The following SYNE1 variants were observed in gnomAD, a reference collection of about 807,000 sequenced individuals.
SYNE1 encodes spectrin repeat containing nuclear envelope protein 1.
In SYNE1, 616 loss-of-function variants were observed where a neutral mutation model predicts 1,111.0. That is an observed-to-expected ratio of 0.55 (90% confidence interval 0.52 to 0.59). The LOEUF is 0.59. SYNE1 is among the 20% of genes least tolerant of loss of function. The pLI, the probability that SYNE1 is intolerant of heterozygous loss-of-function variation, is 0.00. For missense variants in SYNE1, 10,006 were observed against 10,417.0 expected, an observed-to-expected ratio of 0.96 and a Z score of 1.72; for synonymous variants, 3,855 against 3,825.8, an observed-to-expected ratio of 1.01 and a Z score of -0.28.
At chr6:152,208,794 C>G (rs1359296024) in intron 124 of SYNE1, among the ~76,000 whole-genome samples, 1 of 152,196 alleles carries the variant, frequency 6.6e-6, no homozygotes. Context: ...TCTGAATTAT[C>G]TCTTCTACAT....
chr6:152,392,511 A>G (rs914873037), intron 51 of SYNE1, among the ~76,000 whole-genome samples: 1 of 152,178 alleles, frequency 6.6e-6, no homozygotes, highest in Non-Finnish European at 1.5e-5. Context: ...AACTATTGTG[A>G]CTACTAGAAA....
At chr6:152,309,699 T>C (rs1589764323) in intron 90 of SYNE1, 136 bp downstream of exon 90, 1 of 1,148,750 alleles carries the variant, frequency 8.7e-7, no homozygotes, top group East Asian at 2.5e-5. Context: ...TTAATCTCCT[T>C]ATTTTATAAA....
chr6:152,449,583 C>G lies in SYNE1; in HGVS notation c.3454G>C (p.Gly1152Arg). 4 of 1,614,062 alleles carry G rather than the reference C, an allele frequency of 2.5e-6. No homozygotes were observed. Among genetic ancestry groups the G allele is most frequent in the Non-Finnish European group, 3.4e-6 (4 of 1,179,996 alleles). ...TNETQLKGIK[G>R]EAIDTANHGE... ...TGGTTGGCAGTATCGATGGCCTCAC[C>G]CTTGATCCCCTTTAATTGTGTCTCA... is the stretch of plus-strand genomic sequence containing the variant. Residue 1152 changes from glycine (G) to arginine (R), a missense_variant, in exon 28 of 146, where the codon GGT (glycine) becomes CGT (arginine). Gly to Arg is a moderately radical substitution (Grantham distance 125). This residue lies in a region of SYNE1 where 1,971 missense variants were observed against 2,084.1 expected (regional missense o/e 0.95). Transcript: ENST00000367255.
intron 135 of SYNE1, among the ~76,000 whole-genome samples, chr6:152,150,926 A>G (rs929119087): frequency 3.9e-5 from 6 of 152,144 alleles, no homozygotes; most frequent in Admixed American, 1.3e-4. Context: ...AACAACAACA[A>G]CAAGGCCAGG....
At chr6:152,292,864 G>A (rs9688434) in intron 95 of SYNE1, among the ~76,000 whole-genome samples, 11,367 of 152,208 alleles carry the variant, frequency 0.075, 1,384 homozygotes, top group African/African-American at 0.26. Context: ...GTAGGAGAAT[G>A]TGTGCCTCAG....
intron 103 of SYNE1, among the ~76,000 whole-genome samples, 179 bp downstream of exon 103, chr6:152,255,408 ATACT>A (rs755425242): frequency 1.3e-5 from 2 of 152,192 alleles, no homozygotes; most frequent in Non-Finnish European, 2.9e-5. Context: ...TTTTTCCCTC[ATACT>A]TACACAAGAC....
intron 33 of SYNE1, chr6:152,434,934 T>C (rs1173022690): frequency 2.0e-5 from 3 of 152,310 alleles, no homozygotes; most frequent in Middle Eastern, 3.4e-3. Context: ...CTGTGTTATA[T>C]TGCAACTTTT....
chr6:152,134,961 G>A, intron 142 of SYNE1, 143 bp downstream of exon 142: 1 of 1,025,742 alleles, frequency 9.7e-7, no homozygotes, highest in South Asian at 1.5e-5. Context: ...AAACCACAGG[G>A]AGTTAAAAAA....
rs2051573689 is a variant in SYNE1, at chr6:152,122,296, CAT to C, written c.*138_*139del. 1.5e-6 allele frequency: 2 copies of C among 1,339,528 alleles called. No homozygotes were observed. Among genetic ancestry groups the C allele is most frequent in the South Asian group, 2.4e-5 (2 of 82,056 alleles). 83.0% of individuals were successfully genotyped at this position (1,339,528 alleles called of 1,614,324 possible). A position where few individuals can be genotyped will look rare whatever the true frequency, so the allele number is the denominator to read the frequency against. On this transcript the variant is annotated 3_prime_UTR_variant, in exon 146 of 146. Coordinates refer to ENST00000367255, the MANE Select transcript of SYNE1 (RefSeq NM_182961.4). ...CACCTCTGAAGCCATAATTTGCACA[CAT>C]GTGATCTGGAGGAGGGCTAAAGCTG... is the stretch of plus-strand genomic sequence containing the variant.
rs1258262048 is a variant in SYNE1, at chr6:152,455,607, A to G, written c.2728-17T>C. 6.2e-7 allele frequency: 1 copy of G among 1,613,932 alleles called. No individual in the cohort carries two copies. The highest frequency in any genetic ancestry group is 1.3e-5 in the African/African-American group (1 of 74,938). ...TACCATACTCTTGATGTGAAAAACA[A>G]TCATAATGTGATGCTGCTTTCTCAT... is the stretch of plus-strand genomic sequence containing the variant. On this transcript the variant is annotated splice_polypyrimidine_tract_variant and intron_variant, in intron 23 of 145. Transcript: ENST00000367255.
rs1215390720 is a variant in SYNE1 at position 152,208,063 on chromosome 6, C to A, written c.22733G>T (p.Trp7578Leu). Residue 7578 changes from tryptophan (W) to leucine (L), a missense_variant, in exon 125 of 146, where the codon TGG becomes TTG. Trp to Leu is a moderately conservative substitution (Grantham distance 61, BLOSUM62 -2). Around this residue, in one of 7 missense-constraint regions of SYNE1, gnomAD observed 2,182 missense variants for 2,287.8 expected, o/e 0.95. Coordinates refer to ENST00000367255, the MANE Select transcript of SYNE1 (RefSeq NM_182961.4). ...YREMAEKLRKWLVEVSYLPMS... is the reference protein window; with the variant it reads ...YREMAEKLRKLLVEVSYLPMS... ...GGGGAGGTAGGACACTTCAACCAAC[C>A]ATTTACGAAGCTTTTCTGCCATCTC... 2.5e-6 allele frequency: 4 copies of A among 1,613,988 alleles called. No homozygotes were observed. The African/African-American group carries it at 5.3e-5, about 22-fold the overall frequency.
chr6:152,541,460 C>G (rs1389501418), intron 3 of SYNE1, among the ~76,000 whole-genome samples: 2 of 152,034 alleles, frequency 1.3e-5, no homozygotes, highest in Non-Finnish European at 2.9e-5. Flanking sequence ...AGAAATGCCA[C>G]TGAATTGGCC....
chr6:152,465,130 T>C, intron 18 of SYNE1, 128 bp downstream of exon 18: 1 of 1,074,354 alleles, frequency 9.3e-7, no homozygotes, highest in Non-Finnish European at 1.4e-6. Flanking sequence ...AGTGCAACTT[T>C]TCAGGCAAAG....
In SYNE1 at chr6:152,634,714, A is replaced by T. The variant is rs79413071; in HGVS notation, c.-224+1924T>A. ...GACAAAGTGTATAGCAGAAATCAGC[A>T]TGAAAGATGTTCAGTGTCATAATTA... is the stretch of plus-strand genomic sequence containing the variant. On this transcript the variant is annotated intron_variant, in intron 2 of 145. Transcript: ENST00000367255. 1.8e-4 allele frequency among the ~76,000 whole-genome samples: 28 copies of T among 152,372 alleles called. No homozygotes were observed. In the East Asian group the frequency reaches 4.8e-3, roughly 26 times the overall value.
rs1301268425 is a variant in SYNE1 at position 152,354,796 on chromosome 6, C to A, written c.10789G>T (p.Val3597Leu). Residue 3597 changes from valine to leucine, a missense_variant, in exon 67 of 146, where the codon GTG (valine) becomes TTG (leucine). By Grantham distance (32) the Val-to-Leu change is conservative (BLOSUM62 1). Transcript: ENST00000367255. ...SETRTQFNNV[V>L]NKLRLMEQKF... ...TGCTCCATTAGCCTCAATTTGTTCACCACGTTATTGAACTGAGTTCGAGTC... is the reference window on the plus strand; with the variant it reads ...TGCTCCATTAGCCTCAATTTGTTCAACACGTTATTGAACTGAGTTCGAGTC... 6.2e-7 allele frequency: 1 copy of A among 1,614,112 alleles called. No individual in the cohort carries two copies. Among genetic ancestry groups the A allele is most frequent in the African/African-American group, 1.3e-5 (1 of 74,936 alleles).
intron 3 of SYNE1, among the ~76,000 whole-genome samples, chr6:152,582,729 C>T (rs2099524722): frequency 6.6e-6 from 1 of 151,986 alleles, no homozygotes; most frequent in South Asian, 2.1e-4. Flanking sequence ...AATCATCAGC[C>T]TCCTTCCATC....
chr6:152,432,881 T>C (rs2098440705), intron 34 of SYNE1, among the ~76,000 whole-genome samples: 1 of 152,108 alleles, frequency 6.6e-6, no homozygotes, highest in Non-Finnish European at 1.5e-5. Context: ...AGACTGTGTA[T>C]ATGAAACTCC....
intron 119 of SYNE1, 88 bp downstream of exon 119, chr6:152,220,754 G>T: frequency 8.2e-7 from 1 of 1,218,646 alleles, no homozygotes. Context: ...CACATAGAAA[G>T]ACATACCAAA....
intron 11 of SYNE1, among the ~76,000 whole-genome samples, chr6:152,496,265 ACT>A (rs112452640): frequency 2.0e-5 from 3 of 152,020 alleles, no homozygotes; most frequent in African/African-American, 7.2e-5. Flanking sequence ...AAAAAGGAGA[ACT>A]CTGTATATTT....
Sources: gnomAD v4.1 joint callset for allele counts (sites outside exome capture counted in the v4.1 genomes callset) on GRCh38, gnomAD v4.1.1 for gene constraint, gnomAD v4.1.1 regional missense constraint, MANE v1.5 for transcripts, NCBI Gene and HGNC (gene_info 2026-07-23, HGNC 2026-07-21) for gene names.